The following GALNTL6 variants were observed in gnomAD, a reference collection of about 807,000 sequenced individuals.
GALNTL6 encodes polypeptide N-acetylgalactosaminyltransferase-like 6.
Under a neutral mutation model 73.7 loss-of-function variants are expected in GALNTL6, and 46 were observed. That is an observed-to-expected ratio of 0.62 (90% CI 0.49 to 0.80). The LOEUF (loss-of-function observed/expected upper bound fraction) is 0.80, where lower values mean the gene tolerates loss of function less well. Among genes scored for constraint, GALNTL6 ranks in the 30% least tolerant of loss-of-function variants. The pLI is 0.00. For missense variants in GALNTL6, 604 were observed against 755.0 expected (o/e 0.80, Z 2.34); for synonymous variants, 259 against 263.7 (o/e 0.98, Z 0.17).
chr4:172,806,569 T>C (rs1433304982), intron 5 of GALNTL6, among the ~76,000 whole-genome samples: 1 of 152,184 alleles, frequency 6.6e-6, no homozygotes, highest in Non-Finnish European at 1.5e-5. Flanking sequence ...AACAACTCCC[T>C]GTAATGGAGC....
At chr4:171,912,210 G>A (rs1425413330) in intron 2 of GALNTL6, among the ~76,000 whole-genome samples, 2 of 152,070 alleles carry the variant, frequency 1.3e-5, no homozygotes, top group African/African-American at 4.8e-5. Flanking sequence ...TATAGACTGT[G>A]GTTCTACAGG....
In GALNTL6 at chr4:172,462,524, G is replaced by C. The variant is rs188701652; in HGVS notation, c.553+113835G>C. 2.0e-5 allele frequency among the ~76,000 whole-genome samples: 3 copies of C among 152,274 alleles called. No homozygotes were observed. The East Asian group carries it at 5.8e-4, about 29-fold the overall frequency. On this transcript the variant is annotated intron_variant, in intron 5 of 12. Coordinates refer to ENST00000506823, the MANE Select transcript of GALNTL6 (RefSeq NM_001034845.3). ...AATCTTAGTGATCCGCTAACCTACA[G>C]TGTCACTTTCAGTAAACTTTTCGCT...
chr4:172,171,721 C>G (rs570952493), intron 2 of GALNTL6, among the ~76,000 whole-genome samples: 1 of 145,676 alleles, frequency 6.9e-6, no homozygotes, highest in East Asian at 1.9e-4. Context: ...GTCTGTGGTC[C>G]CAGCTATGTG....
At chr4:172,156,547 A>ATATAC (rs1553997713) in intron 2 of GALNTL6, among the ~76,000 whole-genome samples, 36,506 of 113,286 alleles carry the variant, frequency 0.32, 5,802 homozygotes, top group Admixed American at 0.37. Flanking sequence ...TATAATATAT[A>ATATAC]TATATATATA....
At chr4:172,690,741 T>A (rs576383807) in intron 5 of GALNTL6, among the ~76,000 whole-genome samples, 11 of 152,202 alleles carry the variant, frequency 7.2e-5, no homozygotes, top group Admixed American at 3.9e-4. Flanking sequence ...TTTGCATATC[T>A]CTCAACTAAC....
chr4:172,602,630 A>G (rs753989562), intron 5 of GALNTL6, among the ~76,000 whole-genome samples: 1 of 152,188 alleles, frequency 6.6e-6, no homozygotes, highest in Non-Finnish European at 1.5e-5. Context: ...ATTCTCATAC[A>G]TTGACCATTC....
chr4:172,059,645 C>A (rs1731134434), intron 2 of GALNTL6, among the ~76,000 whole-genome samples: 1 of 152,032 alleles, frequency 6.6e-6, no homozygotes, highest in Admixed American at 6.6e-5. Context: ...GAAAAAAAGT[C>A]ATGATTCTCA....
intron 5 of GALNTL6, among the ~76,000 whole-genome samples, chr4:172,629,839 C>G (rs879583430): frequency 1.3e-5 from 2 of 152,052 alleles, no homozygotes; most frequent in Non-Finnish European, 2.9e-5. Flanking sequence ...ATTATGACAC[C>G]CTAGGACTTG....
Position 171,957,617 on chromosome 4 carries a change from C to T in GALNTL6, c.138+142899C>T, listed in dbSNP as rs117913291. 1.8e-3 allele frequency among the ~76,000 whole-genome samples: 278 copies of T among 152,256 alleles called. 2 individuals are homozygous for T. The highest frequency in any genetic ancestry group is 0.012 in the Admixed American group (178 of 15,280). ...CTGTTGTCTAGTTATCAACGCATTG[C>T]GGCATTTTAAGAATATATTAATTAG... On this transcript the variant is annotated intron_variant, in intron 2 of 12. Transcript: ENST00000506823.
chr4:172,147,347 A>G (rs1276022185), intron 2 of GALNTL6, among the ~76,000 whole-genome samples: 1 of 152,258 alleles, frequency 6.6e-6, no homozygotes, highest in African/African-American at 2.4e-5. Flanking sequence ...CGCTTAAGGT[A>G]CAGAATAAAA....
At chr4:172,027,891 A>G (rs1741638075) in intron 2 of GALNTL6, among the ~76,000 whole-genome samples, 1 of 152,156 alleles carries the variant, frequency 6.6e-6, no homozygotes, top group African/African-American at 2.4e-5. Context: ...ACAGGTGAGG[A>G]AGCTGCAGGA....
intron 5 of GALNTL6, among the ~76,000 whole-genome samples, chr4:172,806,266 C>T (rs1451945890): frequency 1.3e-5 from 2 of 152,152 alleles, no homozygotes; most frequent in Non-Finnish European, 2.9e-5. Flanking sequence ...AAGAACTGAT[C>T]TAAACATCTA....
At chr4:172,663,940 A>AAG (rs1553969284) in intron 5 of GALNTL6, among the ~76,000 whole-genome samples, 19 of 147,066 alleles carry the variant, frequency 1.3e-4, no homozygotes, top group Non-Finnish European at 1.5e-4. Flanking sequence ...AAAAAAAAAA[A>AAG]AAAGAAAGAA....
At chr4:172,128,966 T>C (rs1733380747) in intron 2 of GALNTL6, among the ~76,000 whole-genome samples, 2 of 152,226 alleles carry the variant, frequency 1.3e-5, no homozygotes, top group African/African-American at 4.8e-5. Flanking sequence ...TTATAAACTT[T>C]TATCTAGTTA....
chr4:172,091,823 C>A (rs1272817896), intron 2 of GALNTL6, among the ~76,000 whole-genome samples: 3 of 152,070 alleles, frequency 2.0e-5, no homozygotes, highest in Non-Finnish European at 4.4e-5. Flanking sequence ...CTATAGATAG[C>A]TGAAGAGAGA....
intron 5 of GALNTL6, among the ~76,000 whole-genome samples, chr4:172,353,476 T>C (rs1255483657): frequency 6.6e-6 from 1 of 152,182 alleles, no homozygotes; most frequent in Non-Finnish European, 1.5e-5. Context: ...TTATGTAACG[T>C]TAATTGTTAT....
chr4:171,849,771 C>CA (rs1311621400), intron 2 of GALNTL6, among the ~76,000 whole-genome samples: 2 of 152,144 alleles, frequency 1.3e-5, no homozygotes, highest in Non-Finnish European at 1.5e-5. Flanking sequence ...GGCTGGGAAG[C>CA]ATAGCCTCTG....
chr4:172,043,221 A>G (rs1260219845), intron 2 of GALNTL6, among the ~76,000 whole-genome samples: 3 of 152,052 alleles, frequency 2.0e-5, no homozygotes, highest in Non-Finnish European at 4.4e-5. Flanking sequence ...GGCTTTGATT[A>G]AAATCTCTGA....
chr4:172,743,452 C>A (rs716645), intron 5 of GALNTL6, among the ~76,000 whole-genome samples: 1 of 151,870 alleles, frequency 6.6e-6, no homozygotes, highest in Non-Finnish European at 1.5e-5. Flanking sequence ...ATGCTTTTAA[C>A]TGTTTTTCAC....
Sources: allele counts gnomAD v4.1 joint callset (sites outside exome capture counted in the v4.1 genomes callset), GRCh38; gene constraint gnomAD v4.1.1; transcripts MANE v1.5; gene names NCBI Gene and HGNC (gene_info 2026-07-23, HGNC 2026-07-21).